Variants in TMEM135 observed in about 807,000 individuals in gnomAD.
TMEM135 encodes peroxisomal membrane protein 52.
Under a neutral mutation model 60.3 loss-of-function variants are expected in TMEM135, and 30 were observed. The ratio of observed to expected loss-of-function variants is 0.50; its 90% CI spans 0.37 to 0.68. The LOEUF (loss-of-function observed/expected upper bound fraction) is 0.68, where lower values mean the gene tolerates loss of function less well. Ranked by LOEUF, TMEM135 falls within the 30% of genes least tolerant of loss-of-function variation. The probability of loss-of-function intolerance (pLI) is 0.00; values close to 1 mark genes in which losing one functional copy is unlikely to be tolerated. For missense variants in TMEM135, 468 were observed against 548.8 expected (o/e 0.85, Z 1.47); for synonymous variants, 190 against 186.7 (o/e 1.02, Z -0.14).
chr11:87,066,420 AG>A (rs1272224557), intron 1 of TMEM135, among the ~76,000 whole-genome samples: 2 of 152,170 alleles, frequency 1.3e-5, no homozygotes, highest in African/African-American at 4.8e-5. Flanking sequence ...ACACTTAATC[AG>A]TCCTCAGTAT....
At position 87,325,994 on chromosome 11, in the gene TMEM135, C is replaced by G; in HGVS notation, c.*4661C>G. 1 of 453,982 alleles carries G rather than the reference C, an allele frequency of 2.2e-6. No homozygotes were observed. The highest frequency in any genetic ancestry group is 4.4e-6 in the Non-Finnish European group (1 of 226,770). 28.1% of individuals were successfully genotyped at this position (453,982 alleles called of 1,614,324 possible). On this transcript the variant is annotated 3_prime_UTR_variant, in exon 15 of 15. Transcript: ENST00000305494. Reference sequence around the variant, plus strand: ...AAATCCCAGTATATTACCACAGACACACATACCATCTGGTCACCAACAGGG... The same window carrying G: ...AAATCCCAGTATATTACCACAGACAGACATACCATCTGGTCACCAACAGGG...
rs185639241 is a variant in TMEM135 at position 87,327,231 on chromosome 11, T to C, written c.*5898T>C. 715 of 454,112 alleles carry C rather than the reference T, an allele frequency of 1.6e-3. 3 individuals are homozygous for C. Among genetic ancestry groups the C allele is most frequent in the African/African-American group, 0.013 (645 of 50,112 alleles). 28.1% of individuals were successfully genotyped at this position (454,112 alleles called of 1,614,324 possible). ...CTTGGGAAAAATCTTCCCTCTCTGCTTAAAGGAAAGTTCTTTTTACCTCTT... is the reference window on the plus strand; with the variant it reads ...CTTGGGAAAAATCTTCCCTCTCTGCCTAAAGGAAAGTTCTTTTTACCTCTT... On this transcript the variant is annotated 3_prime_UTR_variant, in exon 15 of 15. Transcript: ENST00000305494.
chr11:87,128,666 G>A (rs1363116662), intron 4 of TMEM135, among the ~76,000 whole-genome samples: 1 of 152,136 alleles, frequency 6.6e-6, no homozygotes, highest in East Asian at 1.9e-4. Context: ...TGGTAGGAGT[G>A]TCAATTTGCA....
At chr11:87,182,503 A>G (rs1939541415) in intron 5 of TMEM135, among the ~76,000 whole-genome samples, 1 of 152,138 alleles carries the variant, frequency 6.6e-6, no homozygotes. Context: ...AGAAATTTGA[A>G]TCTCCTTGCA....
intron 5 of TMEM135, among the ~76,000 whole-genome samples, chr11:87,194,904 T>A (rs1939899361): frequency 2.6e-5 from 4 of 152,218 alleles, no homozygotes; most frequent in Admixed American, 2.6e-4. Flanking sequence ...CATAAATGGA[T>A]GAATTATATT....
At position 87,217,468 on chromosome 11, in the gene TMEM135, G is replaced by A. The variant is rs541098498; in HGVS notation, c.463-19170G>A. 5.3e-5 allele frequency among the ~76,000 whole-genome samples: 8 copies of A among 152,252 alleles called. No homozygotes were observed. In the East Asian group the frequency reaches 1.3e-3, roughly 26 times the overall value. ...ACAATAATGAGAACTGACCAAAAAT[G>A]GATTTCAAATAGAACTGTTCTAAAA... is the stretch of plus-strand genomic sequence containing the variant. On this transcript the variant is annotated intron_variant, in intron 5 of 14. Coordinates refer to ENST00000305494, the MANE Select transcript of TMEM135 (RefSeq NM_022918.4).
chr11:87,120,113 C>CTTTTTTTTT (rs200904925), intron 4 of TMEM135, among the ~76,000 whole-genome samples: 2 of 135,024 alleles, frequency 1.5e-5, no homozygotes, highest in African/African-American at 2.8e-5. Context: ...TTTTCTTCTT[C>CTTTTTTTTT]TTCTTTTTTT....
chr11:87,262,868 T>G (rs1941677684), intron 6 of TMEM135, among the ~76,000 whole-genome samples: 1 of 152,164 alleles, frequency 6.6e-6, no homozygotes. Flanking sequence ...ATTAAGTACT[T>G]TATTTCAATT....
chr11:87,206,878 A>G (rs1591103748), intron 5 of TMEM135, among the ~76,000 whole-genome samples: 1 of 152,256 alleles, frequency 6.6e-6, no homozygotes, highest in East Asian at 1.9e-4. Context: ...TATTTTTAAC[A>G]TGTATTTTAA....
rs531717739 is a variant in TMEM135 at position 87,302,310 on chromosome 11, A to G, written c.566A>G (p.Lys189Arg). 4 of 1,613,842 alleles carry G rather than the reference A, an allele frequency of 2.5e-6. No homozygotes were observed. In the South Asian group the frequency reaches 3.3e-5, roughly 13 times the overall value. ...CTTTTCTTTAGGTTCATTGTAGGGA[A>G]GGAAGAAATTCCCACACATTCTTTT... ...TFSALRFIVG[K>R]EEIPTHSFSP... Residue 189 changes from lysine (K) to arginine (R), a missense_variant, in exon 8 of 15, where the codon AAG (lysine) becomes AGG (arginine). Lys to Arg is a conservative substitution (Grantham distance 26). Transcript: ENST00000305494.
At chr11:87,253,372 C>T (rs1213073820) in intron 6 of TMEM135, among the ~76,000 whole-genome samples, 1 of 151,980 alleles carries the variant, frequency 6.6e-6, no homozygotes. Flanking sequence ...TGGCCAGTTG[C>T]CTTTCAGACA....
chr11:87,071,322 A>G (rs926555985), intron 2 of TMEM135, among the ~76,000 whole-genome samples: 6 of 152,214 alleles, frequency 3.9e-5, no homozygotes, highest in African/African-American at 1.4e-4. Context: ...TGTTGATGCT[A>G]TTAACCTAGG....
intron 5 of TMEM135, among the ~76,000 whole-genome samples, chr11:87,202,413 C>T (rs1408169455): frequency 6.6e-6 from 1 of 152,160 alleles, no homozygotes; most frequent in East Asian, 1.9e-4. Flanking sequence ...GCAACCTCTG[C>T]CTCCTGGGCT....
chr11:87,290,116 T>C (rs1942239890), intron 6 of TMEM135, among the ~76,000 whole-genome samples: 1 of 151,726 alleles, frequency 6.6e-6, no homozygotes, highest in East Asian at 1.9e-4. Context: ...CTTTTATATT[T>C]ACCAAATGAG....
intron 6 of TMEM135, among the ~76,000 whole-genome samples, chr11:87,280,852 A>G (rs6592344): frequency 0.37 from 55,654 of 151,896 alleles, 10,861 homozygotes; most frequent in Non-Finnish European, 0.43. Context: ...ACTCCAACCT[A>G]TAGACTTTAT....
chr11:87,195,497 G>T (rs1375784719), intron 5 of TMEM135, among the ~76,000 whole-genome samples: 14 of 151,714 alleles, frequency 9.2e-5, no homozygotes, highest in African/African-American at 3.4e-4. Context: ...CATGATCTCA[G>T]CTCGCCGCAA....
chr11:87,053,358 GA>G (rs1282903883), intron 1 of TMEM135, among the ~76,000 whole-genome samples: 1 of 151,976 alleles, frequency 6.6e-6, no homozygotes, highest in Non-Finnish European at 1.5e-5. Flanking sequence ...TGAAAGGCTG[GA>G]ATGCAGACTT....
intron 2 of TMEM135, among the ~76,000 whole-genome samples, chr11:87,068,903 T>A (rs900204629): frequency 1.3e-5 from 2 of 152,110 alleles, no homozygotes; most frequent in African/African-American, 4.8e-5. Context: ...ACTTTTAGAT[T>A]ATGCAGAAAA....
At chr11:87,202,100 A>G (rs1591099972) in intron 5 of TMEM135, among the ~76,000 whole-genome samples, 2 of 152,032 alleles carry the variant, frequency 1.3e-5, no homozygotes, top group South Asian at 4.1e-4. Context: ...GTCTCAGCTC[A>G]TTGCAACCTC....
Sources: gnomAD v4.1 joint callset for allele counts (sites outside exome capture counted in the v4.1 genomes callset) on GRCh38, gnomAD v4.1.1 for gene constraint, MANE v1.5 for transcripts, NCBI Gene and HGNC (gene_info 2026-07-23, HGNC 2026-07-21) for gene names.